Variants in CORO1C observed in about 807,000 individuals in gnomAD.
CORO1C encodes coronin 1C, also known as coronin-1C.
In CORO1C, 14 loss-of-function variants were observed where a neutral mutation model predicts 51.2. The ratio of observed to expected loss-of-function variants is 0.27; its 90% CI spans 0.18 to 0.43. CORO1C has a LOEUF of 0.43. Ranked by LOEUF, CORO1C falls within the 20% of genes least tolerant of loss-of-function variation. The pLI, the probability that CORO1C is intolerant of heterozygous loss-of-function variation, is 1.00. For synonymous variants in CORO1C, 181 were observed against 210.5 expected, an observed-to-expected ratio of 0.86 and a Z score of 1.21; for missense variants, 417 against 607.8, an observed-to-expected ratio of 0.69 and a Z score of 3.30.
intron 1 of CORO1C, among the ~76,000 whole-genome samples, chr12:108,715,667 T>TGCAGAACGATATAAAATCGCCTGA (rs11274706): frequency 8.1e-6 from 1 of 123,630 alleles, no homozygotes; most frequent in Non-Finnish European, 1.7e-5. Context: ...CTCACAACAC[T>TGCAGAACGATATAAAATCGCCTGA]GGCAGCAGCC....
Position 108,701,335 on chromosome 12 carries a change from G to A in CORO1C, c.-5-12C>T, listed in dbSNP as rs761426216. 11 of 1,614,134 alleles carry A rather than the reference G, an allele frequency of 6.8e-6. No individual in the cohort carries two copies. Among genetic ancestry groups the A allele is most frequent in the Non-Finnish European group, 9.3e-6 (11 of 1,180,020 alleles). On this transcript the variant is annotated splice_polypyrimidine_tract_variant and intron_variant, in intron 1 of 10. Coordinates refer to ENST00000261401, the MANE Select transcript of CORO1C (RefSeq NM_014325.4). ...TCGCCTCATCGTGTCTGCAAAGGAA[G>A]AGTGAGAATTATGTTAGAATTATGC...
At chr12:108,676,057 A>C (rs1046716046) in intron 3 of CORO1C, among the ~76,000 whole-genome samples, 3 of 152,264 alleles carry the variant, frequency 2.0e-5, no homozygotes, top group African/African-American at 7.2e-5. Context: ...ATTAAGACTT[A>C]AAAGACTACA....
intron 1 of CORO1C, among the ~76,000 whole-genome samples, chr12:108,711,206 T>TA (rs988957744): frequency 3.5e-4 from 53 of 150,264 alleles, no homozygotes; most frequent in South Asian, 1.9e-3. Flanking sequence ...CTACAAAAAA[T>TA]AAAAAAAAAT....
intron 6 of CORO1C, among the ~76,000 whole-genome samples, chr12:108,656,217 C>T (rs1349804050): frequency 3.0e-5 from 4 of 135,328 alleles, no homozygotes; most frequent in Non-Finnish European, 3.2e-5. Context: ...GGAGCCCCTC[C>T]GCCCGGCAGC....
intron 2 of CORO1C, among the ~76,000 whole-genome samples, chr12:108,688,771 C>T (rs1163937160): frequency 6.6e-6 from 1 of 152,116 alleles, no homozygotes; most frequent in Non-Finnish European, 1.5e-5. Flanking sequence ...CACGGTGGCT[C>T]ACACTTGTAA....
intron 1 of CORO1C, among the ~76,000 whole-genome samples, chr12:108,724,810 C>A (rs2035549641): frequency 6.6e-6 from 1 of 152,198 alleles, no homozygotes; most frequent in Non-Finnish European, 1.5e-5. Context: ...CTCTCTCACT[C>A]TGACCTTTGC....
At chr12:108,717,958 C>T (rs1446008010) in intron 1 of CORO1C, among the ~76,000 whole-genome samples, 2 of 152,182 alleles carry the variant, frequency 1.3e-5, no homozygotes, top group Non-Finnish European at 2.9e-5. Context: ...TGGCTCACAC[C>T]TGTAATCCCA....
intron 10 of CORO1C, among the ~76,000 whole-genome samples, 183 bp downstream of exon 10, chr12:108,648,422 G>C (rs1277729937): frequency 6.6e-6 from 1 of 152,088 alleles, no homozygotes; most frequent in African/African-American, 2.4e-5. Context: ...TCCGTTAAAG[G>C]AGGCAAGTGT....
chr12:108,727,283 C>A (rs1483691570), intron 1 of CORO1C, among the ~76,000 whole-genome samples: 2 of 152,248 alleles, frequency 1.3e-5, no homozygotes, highest in African/African-American at 4.8e-5. Context: ...GGACAAATGT[C>A]TGCCTGTGAG....
chr12:108,652,493 T>C, intron 7 of CORO1C, 76 bp from the exon 8 acceptor site: 3 of 1,243,640 alleles, frequency 2.4e-6, no homozygotes, highest in Non-Finnish European at 3.5e-6. Context: ...CTCTCTCCTC[T>C]ACAAACCCAG....
chr12:108,674,980 T>C (rs2033853280), intron 3 of CORO1C, among the ~76,000 whole-genome samples: 2 of 152,178 alleles, frequency 1.3e-5, no homozygotes, highest in Admixed American at 1.3e-4. Flanking sequence ...GGTAAAATGC[T>C]ATCAAACAGC....
At chr12:108,719,371 ATT>A (rs540205562) in intron 1 of CORO1C, among the ~76,000 whole-genome samples, 1 of 152,344 alleles carries the variant, frequency 6.6e-6, no homozygotes, top group South Asian at 2.1e-4. Context: ...AAAATAATTC[ATT>A]TTTTGTGACC....
At chr12:108,672,463 A>G (rs1479009600) in intron 3 of CORO1C, among the ~76,000 whole-genome samples, 2 of 152,202 alleles carry the variant, frequency 1.3e-5, no homozygotes, top group Admixed American at 1.3e-4. Context: ...CTCTGAGACT[A>G]TTACATGTAT....
intron 2 of CORO1C, among the ~76,000 whole-genome samples, chr12:108,691,678 C>A (rs1055601121): frequency 6.6e-6 from 1 of 152,210 alleles, no homozygotes; most frequent in African/African-American, 2.4e-5. Flanking sequence ...TTATCCTGGC[C>A]GGCTGACAGC....
chr12:108,690,147 A>G (rs2034446523), intron 2 of CORO1C, among the ~76,000 whole-genome samples: 1 of 152,252 alleles, frequency 6.6e-6, no homozygotes, highest in Non-Finnish European at 1.5e-5. Flanking sequence ...GAGACTCAGC[A>G]GCAGACCAAA....
intron 2 of CORO1C, among the ~76,000 whole-genome samples, chr12:108,687,756 G>C (rs1281398990): frequency 2.0e-5 from 3 of 151,882 alleles, no homozygotes; most frequent in East Asian, 3.9e-4. Flanking sequence ...GTGTACTCCA[G>C]CCTGGGTGAC....
intron 1 of CORO1C, chr12:108,702,772 T>C: frequency 1.3e-6 from 2 of 1,489,646 alleles, no homozygotes; most frequent in Non-Finnish European, 8.9e-7. Context: ...GAGAGACGAA[T>C]TTATTTTTGC....
chr12:108,682,642 C>G (rs1467195682), intron 2 of CORO1C, among the ~76,000 whole-genome samples: 1 of 152,082 alleles, frequency 6.6e-6, no homozygotes, highest in Non-Finnish European at 1.5e-5. Flanking sequence ...AATATGAATA[C>G]AGAAGATTTT....
intron 1 of CORO1C, among the ~76,000 whole-genome samples, chr12:108,712,564 C>T (rs1200240271): frequency 4.8e-5 from 4 of 82,792 alleles, no homozygotes; most frequent in African/African-American, 2.1e-4. Flanking sequence ...ACAAGCGAAA[C>T]TGTCTCAAAA....
Sources: gnomAD v4.1 joint callset for allele counts (sites outside exome capture counted in the v4.1 genomes callset) on GRCh38, gnomAD v4.1.1 for gene constraint, MANE v1.5 for transcripts, NCBI Gene and HGNC (gene_info 2026-07-23, HGNC 2026-07-21) for gene names.